NALCN: variants seen among roughly 807,000 people sequenced by gnomAD.
NALCN encodes sodium leak channel, non-selective.
NALCN carries 111 observed loss-of-function variants against 225.3 expected under a neutral mutation model. The ratio of observed to expected loss-of-function variants is 0.49; its 90% confidence interval spans 0.42 to 0.58. The LOEUF (loss-of-function observed/expected upper bound fraction) is 0.58, where lower values mean the gene tolerates loss of function less well. NALCN is among the 20% of genes least tolerant of loss of function. The pLI is 0.00. For missense variants in NALCN, 1,378 were observed against 2,202.4 expected, an observed-to-expected ratio of 0.63 and a Z score of 7.49; for synonymous variants, 764 against 769.0, an observed-to-expected ratio of 0.99 and a Z score of 0.11.
chr13:101,156,850 C>A (rs1448748226), intron 15 of NALCN, among the ~76,000 whole-genome samples: 1 of 152,208 alleles, frequency 6.6e-6, no homozygotes, highest in Non-Finnish European at 1.5e-5. Flanking sequence ...TGGACCCCAG[C>A]AGTGTCCTAT....
At chr13:101,078,214 GT>G (rs2033384359) in intron 34 of NALCN, among the ~76,000 whole-genome samples, 3 of 150,682 alleles carry the variant, frequency 2.0e-5, no homozygotes, top group Non-Finnish European at 4.4e-5. Context: ...AAAATGTGTG[GT>G]TGGAGTCCAC....
chr13:101,295,578 A>T (rs1391931111), intron 7 of NALCN, among the ~76,000 whole-genome samples: 2 of 151,428 alleles, frequency 1.3e-5, no homozygotes, highest in African/African-American at 4.8e-5. Flanking sequence ...CTTCTACTCC[A>T]TTTTTTTTTC....
At chr13:101,332,397 C>CAAAAAAAAAAA (rs753158247) in intron 7 of NALCN, among the ~76,000 whole-genome samples, 30 of 57,816 alleles carry the variant, frequency 5.2e-4, no homozygotes, top group East Asian at 8.7e-4. Flanking sequence ...TTCACAAAGC[C>CAAAAAAAAAAA]AAAAAAAAAA....
At position 101,083,097 on chromosome 13, in the gene NALCN, CAGAG is replaced by C; in HGVS notation, c.3681_3684del (p.Val1229SerfsTer8). ...CTTAGGGTGAAACGAAGTACCTTGA[CAGAG>C]AGCAACACCGACTGGGCCAGGACGA... On this transcript the variant is annotated frameshift_variant, in exon 32 of 44. Transcript: ENST00000251127. LOFTEE classifies it high-confidence loss of function. 1 of 1,614,018 alleles carries C rather than the reference CAGAG, an allele frequency of 6.2e-7. No homozygotes were observed. Among genetic ancestry groups the C allele is most frequent in the Non-Finnish European group, 8.5e-7 (1 of 1,179,942 alleles).
At chr13:101,055,591 C>A in intron 43 of NALCN, 103 bp from the exon 44 acceptor site, 3 of 927,894 alleles carry the variant, frequency 3.2e-6, no homozygotes, top group South Asian at 1.9e-5. Flanking sequence ...TTTTGGCTAA[C>A]GTGTCCTAGC....
At chr13:101,293,102 TAA>T (rs1228810415) in intron 7 of NALCN, among the ~76,000 whole-genome samples, 2 of 152,200 alleles carry the variant, frequency 1.3e-5, no homozygotes, top group African/African-American at 2.4e-5. Context: ...ACAGGGAAAC[TAA>T]AGCATATAAA....
chr13:101,264,848 C>A (rs1361530045), intron 10 of NALCN, among the ~76,000 whole-genome samples: 1 of 152,186 alleles, frequency 6.6e-6, no homozygotes, highest in African/African-American at 2.4e-5. Flanking sequence ...TCAACTAAAT[C>A]TGTTTGGCTT....
intron 18 of NALCN, chr13:101,116,489 G>T: frequency 1.9e-6 from 1 of 517,044 alleles, no homozygotes; most frequent in Non-Finnish European, 3.9e-6. Context: ...ACCACTAGTT[G>T]TTTATAGACA....
intron 7 of NALCN, among the ~76,000 whole-genome samples, chr13:101,332,397 CAAAAA>C (rs753158247): frequency 2.6e-4 from 15 of 57,836 alleles, no homozygotes; most frequent in African/African-American, 1.1e-3. Context: ...TTCACAAAGC[CAAAAA>C]AAAAAAAAAA....
At position 101,225,272 on chromosome 13, in the gene NALCN, T is replaced by A. The variant is rs776259624; in HGVS notation, c.1626+4121A>T. 8.0e-4 allele frequency among the ~76,000 whole-genome samples: 121 copies of A among 152,196 alleles called. 1 individual carries two copies. The highest frequency in any genetic ancestry group is 2.4e-4 in the Non-Finnish European group (16 of 68,040). ...CGCCTGCATTATGACAAAGGCTTGT[T>A]CTTTTTATGCGGTACCAACACATAT... On this transcript the variant is annotated intron_variant, in intron 13 of 43. Coordinates refer to ENST00000251127, the MANE Select transcript of NALCN (RefSeq NM_052867.4).
At chr13:101,306,990 A>G (rs2044173989) in intron 7 of NALCN, among the ~76,000 whole-genome samples, 1 of 152,164 alleles carries the variant, frequency 6.6e-6, no homozygotes, top group South Asian at 2.1e-4. Context: ...TCCCTGGAAG[A>G]GCCAAGCATA....
At chr13:101,381,611 C>T (rs1267229562) in intron 3 of NALCN, among the ~76,000 whole-genome samples, 1 of 152,094 alleles carries the variant, frequency 6.6e-6, no homozygotes, top group Non-Finnish European at 1.5e-5. Flanking sequence ...TCTCTCCCTC[C>T]CTTACTTCCT....
At chr13:101,219,670 A>T (rs1413592316) in intron 13 of NALCN, among the ~76,000 whole-genome samples, 2 of 152,198 alleles carry the variant, frequency 1.3e-5, no homozygotes, top group African/African-American at 4.8e-5. Flanking sequence ...GAAGTTTGTG[A>T]TGAACTATTC....
At chr13:101,413,389 C>T (rs1403470181) in intron 1 of NALCN, among the ~76,000 whole-genome samples, 2 of 151,960 alleles carry the variant, frequency 1.3e-5, no homozygotes, top group African/African-American at 4.8e-5. Context: ...TTATAACTAT[C>T]AGGACACTGT....
At chr13:101,111,502 A>T (rs1422653183) in intron 18 of NALCN, among the ~76,000 whole-genome samples, 3 of 152,082 alleles carry the variant, frequency 2.0e-5, no homozygotes, top group African/African-American at 7.2e-5. Flanking sequence ...CCTTTCCAAA[A>T]ATAATGGTAG....
At chr13:101,293,072 C>T (rs1432994731) in intron 7 of NALCN, among the ~76,000 whole-genome samples, 1 of 152,148 alleles carries the variant, frequency 6.6e-6, no homozygotes, top group Non-Finnish European at 1.5e-5. Flanking sequence ...ATCCTAACAA[C>T]ACTATAAGAT....
In NALCN at chr13:101,083,095, G is replaced by C. The variant is rs2033746148; in HGVS notation, c.3687C>G (p.Val1229=). The C allele has an allele frequency of 6.2e-7, 1 of 1,613,830 alleles. No individual in the cohort carries two copies. The part of the protein sequence containing the change: ...LVLAQSVLLS[V]KWDVEDPVTV... ...GTCTTAGGGTGAAACGAAGTACCTTGACAGAGAGCAACACCGACTGGGCCA... is the reference window on the plus strand; with the variant it reads ...GTCTTAGGGTGAAACGAAGTACCTTCACAGAGAGCAACACCGACTGGGCCA... The change falls in exon 32 of 44, where the codon GTC becomes GTG. Residue 1229 remains valine (V), a synonymous_variant. Transcript: ENST00000251127.
intron 27 of NALCN, among the ~76,000 whole-genome samples, chr13:101,100,155 AT>A (rs1177160040): frequency 6.6e-6 from 1 of 152,170 alleles, no homozygotes; most frequent in Non-Finnish European, 1.5e-5. Flanking sequence ...TGGCTTTCTA[AT>A]GGGGAGAAAG....
At chr13:101,363,784 A>G (rs1594745170) in intron 6 of NALCN, among the ~76,000 whole-genome samples, 1 of 152,238 alleles carries the variant, frequency 6.6e-6, no homozygotes. Flanking sequence ...CAATCAACAA[A>G]TTGAAGTGAC....
Sources: gnomAD v4.1 joint callset for allele counts (sites outside exome capture counted in the v4.1 genomes callset) on GRCh38, gnomAD v4.1.1 for gene constraint, MANE v1.5 for transcripts, NCBI Gene and HGNC (gene_info 2026-07-23, HGNC 2026-07-21) for gene names.